The following FBLN1 variants were observed in gnomAD, a reference collection of about 807,000 sequenced individuals.
FBLN1 encodes the protein fibulin-1.
Under a neutral mutation model 89.7 loss-of-function variants are expected in FBLN1, and 34 were observed. That is an observed-to-expected ratio of 0.38 (90% CI 0.29 to 0.50). FBLN1 has a LOEUF of 0.50. Ranked by LOEUF, FBLN1 falls within the 20% of genes least tolerant of loss-of-function variation. The probability of loss-of-function intolerance (pLI) is 0.92; values close to 1 mark genes in which losing one functional copy is unlikely to be tolerated. For missense variants in FBLN1, 777 were observed against 988.1 expected, an observed-to-expected ratio of 0.79 and a Z score of 2.86; for synonymous variants, 393 against 391.3, an observed-to-expected ratio of 1.00 and a Z score of -0.05.
chr22:45,564,110 C>G (rs1412141103), intron 14 of FBLN1, among the ~76,000 whole-genome samples: 3 of 152,180 alleles, frequency 2.0e-5, no homozygotes, highest in African/African-American at 7.2e-5. Flanking sequence ...GATCACACAG[C>G]TGGTATCCGA....
intron 14 of FBLN1, among the ~76,000 whole-genome samples, chr22:45,568,116 G>T (rs1342264420): frequency 6.6e-6 from 1 of 152,216 alleles, no homozygotes; most frequent in Non-Finnish European, 1.5e-5. Context: ...GAAGGTCCGG[G>T]TAAATGTGGA....
rs2088397948 is a variant in FBLN1 at position 45,530,943 on chromosome 22, T to G, written c.485-322T>G. The stretch of plus-strand genomic sequence containing the variant: ...TACACCTGGCTAATTTTTGTATTTT[T>G]AGTAGAGACAGCATTTCACCGTGTT... On this transcript the variant is annotated intron_variant, in intron 4 of 16. Coordinates refer to ENST00000327858, the MANE Select transcript of FBLN1 (RefSeq NM_006486.3). The surrounding 1 kb of genome is among the most constrained non-coding windows in gnomAD (Gnocchi z 5.4). Among the ~76,000 whole-genome samples the G allele has an allele frequency of 6.6e-6, 1 of 152,118 alleles. No homozygotes were observed. Among genetic ancestry groups the G allele is most frequent in the Non-Finnish European group, 1.5e-5 (1 of 68,000 alleles).
At position 45,583,940 on chromosome 22, in the gene FBLN1, G is replaced by A. The variant is rs892236683; in HGVS notation, c.1972+6832G>A. Among the ~76,000 whole-genome samples the A allele has an allele frequency of 5.9e-5, 9 of 152,136 alleles. No individual in the cohort carries two copies. Among genetic ancestry groups the A allele is most frequent in the Non-Finnish European group, 1.3e-4 (9 of 68,024 alleles). Reference sequence around the variant, plus strand: ...AGGAGTTCCCTGAGGTCATGCGGTGGCGGATGGGGGTCACTTCTGCATAGG... The same window carrying A: ...AGGAGTTCCCTGAGGTCATGCGGTGACGGATGGGGGTCACTTCTGCATAGG... On this transcript the variant is annotated intron_variant, in intron 16 of 16. Transcript: ENST00000327858. The surrounding 1 kb of genome is among the most constrained non-coding windows in gnomAD (Gnocchi z 4.5).
Position 45,563,332 on chromosome 22 carries a change from A to T in FBLN1, c.1698-11179A>T. 2.5e-6 allele frequency: 4 copies of T among 1,608,576 alleles called. No homozygotes were observed. Among genetic ancestry groups the T allele is most frequent in the Non-Finnish European group, 3.4e-6 (4 of 1,179,306 alleles). ...CCTAACCCTGCCCTCCGGGGCGTTA[A>T]TAAAGTCTTAGCAAGCGTCCCACAC... On this transcript the variant is annotated intron_variant, in intron 14 of 16. Coordinates refer to ENST00000327858, the MANE Select transcript of FBLN1 (RefSeq NM_006486.3). The surrounding 1 kb of genome is among the most constrained non-coding windows in gnomAD (Gnocchi z 5.7).
At chr22:45,503,196 C>G in intron 1 of FBLN1, 132 bp downstream of exon 1, 3 of 358,526 alleles carry the variant, frequency 8.4e-6, no homozygotes, top group Non-Finnish European at 1.2e-5. Context: ...GGACTGTCAG[C>G]GCCGAGGCCT....
Position 45,561,854 on chromosome 22 carries a change from T to TG in FBLN1, c.1697+11240dup, listed in dbSNP as rs1418465762. On this transcript the variant is annotated intron_variant, in intron 14 of 16. Transcript: ENST00000327858. This position sits in a 1 kb window ranked among gnomAD's most constrained non-coding sequence, Gnocchi z 4.7. ...CAAAACTGAAGAACTTGGAGTCCGA[T>TG]GTTCAAGGGCAGGAAGCATCCAGCA... is the stretch of plus-strand genomic sequence containing the variant. 6.6e-6 allele frequency among the ~76,000 whole-genome samples: 1 copy of TG among 152,176 alleles called. No homozygotes were observed. The highest frequency in any genetic ancestry group is 1.5e-5 in the Non-Finnish European group (1 of 68,038).
intron 8 of FBLN1, among the ~76,000 whole-genome samples, chr22:45,538,475 G>C (rs2088511703): frequency 6.6e-6 from 1 of 152,172 alleles, no homozygotes; most frequent in South Asian, 2.1e-4. Context: ...ATGAAAATGG[G>C]ATCAGACTGT....
intron 16 of FBLN1, among the ~76,000 whole-genome samples, chr22:45,594,219 T>C (rs1293469615): frequency 2.0e-5 from 3 of 152,150 alleles, no homozygotes; most frequent in African/African-American, 7.2e-5. Context: ...CTTGCCTCCC[T>C]GTGTTAGAGA....
intron 8 of FBLN1, among the ~76,000 whole-genome samples, chr22:45,540,690 A>C (rs1401879485): frequency 6.6e-6 from 1 of 152,204 alleles, no homozygotes; most frequent in African/African-American, 2.4e-5. Flanking sequence ...ACACTTGCTC[A>C]TTGTATGTCA....
intron 16 of FBLN1, among the ~76,000 whole-genome samples, chr22:45,593,833 C>A (rs1329952685): frequency 6.6e-6 from 1 of 152,168 alleles, no homozygotes; most frequent in African/African-American, 2.4e-5. Flanking sequence ...CTTCTTCTGC[C>A]TTCATCTTAC....
rs747028577 is a variant in FBLN1 at position 45,563,284 on chromosome 22, C to T, written c.1698-11227C>T. On this transcript the variant is annotated intron_variant, in intron 14 of 16. Coordinates refer to ENST00000327858, the MANE Select transcript of FBLN1 (RefSeq NM_006486.3). This position sits in a 1 kb window ranked among gnomAD's most constrained non-coding sequence, Gnocchi z 5.7. ...AGCTCTGAGCACTCGCTTCGCGTCGCGGGGTCTCCCTCCTGTTGCTTTCCT... is the reference window on the plus strand; with the variant it reads ...AGCTCTGAGCACTCGCTTCGCGTCGTGGGGTCTCCCTCCTGTTGCTTTCCT... 4.0e-5 allele frequency: 64 copies of T among 1,613,216 alleles called. 1 individual carries two copies. The highest frequency in any genetic ancestry group is 3.1e-4 in the South Asian group (28 of 91,082).
At position 45,531,116 on chromosome 22, in the gene FBLN1, G is replaced by A. The variant is rs1333730897; in HGVS notation, c.485-149G>A. ...TTTTCAAGTGTAATTCTAGCTTAAA[G>A]AGGATAAAGTTAATACTTAGCTGTT... On this transcript the variant is annotated intron_variant, in intron 4 of 16. Coordinates refer to ENST00000327858, the MANE Select transcript of FBLN1 (RefSeq NM_006486.3). This position sits in a 1 kb window ranked among gnomAD's most constrained non-coding sequence, Gnocchi z 4.9. 1 of 706,442 alleles carries A rather than the reference G, an allele frequency of 1.4e-6. No homozygotes were observed. Among genetic ancestry groups the A allele is most frequent in the Non-Finnish European group, 2.6e-6 (1 of 388,552 alleles). The allele number at this position is 706,442 out of a possible 1,614,324, so 43.8% of individuals were successfully genotyped here.
At chr22:45,595,214 G>T (rs1410986520) in intron 16 of FBLN1, among the ~76,000 whole-genome samples, 1 of 152,142 alleles carries the variant, frequency 6.6e-6, no homozygotes, top group South Asian at 2.1e-4. Context: ...TGGGAAAGGG[G>T]GTCCTGGGTT....
intron 9 of FBLN1, 33 bp downstream of exon 9, chr22:45,541,405 T>C (rs770974704): frequency 3.7e-6 from 6 of 1,613,734 alleles, no homozygotes; most frequent in Non-Finnish European, 5.1e-6. Context: ...TGAAATCCAC[T>C]TTCCTGTCTG....
intron 8 of FBLN1, among the ~76,000 whole-genome samples, chr22:45,540,312 C>T (rs1440817787): frequency 2.0e-5 from 3 of 152,200 alleles, no homozygotes; most frequent in Admixed American, 6.5e-5. Context: ...CACTTGCAGG[C>T]TGGCTGTGGT....
At chr22:45,518,440 C>G (rs1285938853) in intron 1 of FBLN1, 1 of 578,912 alleles carries the variant, frequency 1.7e-6, no homozygotes, top group African/African-American at 1.8e-5. Flanking sequence ...GCAGCCCTGT[C>G]CAAGCTGGAT....
chr22:45,531,425 C>G lies in FBLN1; in HGVS notation c.544+101C>G. 1 of 1,006,302 alleles carries G rather than the reference C, an allele frequency of 9.9e-7. No individual in the cohort carries two copies. The highest frequency in any genetic ancestry group is 1.6e-6 in the Non-Finnish European group (1 of 636,002). The allele number at this position is 1,006,302 out of a possible 1,614,324, so 62.3% of individuals were successfully genotyped here. On this transcript the variant is annotated intron_variant, in intron 5 of 16. Coordinates refer to ENST00000327858, the MANE Select transcript of FBLN1 (RefSeq NM_006486.3). The surrounding 1 kb of genome is among the most constrained non-coding windows in gnomAD (Gnocchi z 4.9). ...ATCCTAGTACTTTGGGAAGCCAAGGCAGGAGGATTCCTTGAGCCCAGGAGG... is the reference window on the plus strand; with the variant it reads ...ATCCTAGTACTTTGGGAAGCCAAGGGAGGAGGATTCCTTGAGCCCAGGAGG...
intron 1 of FBLN1, among the ~76,000 whole-genome samples, chr22:45,516,296 G>A (rs574703521): frequency 6.6e-6 from 1 of 151,836 alleles, no homozygotes; most frequent in South Asian, 2.1e-4. Context: ...GGTGAAGGGG[G>A]TAGGGGGACA....
chr22:45,524,117 A>G (rs1044968903), intron 2 of FBLN1, among the ~76,000 whole-genome samples: 1 of 152,162 alleles, frequency 6.6e-6, no homozygotes, highest in African/African-American at 2.4e-5. Context: ...TTTGAGACAC[A>G]CGGGCAGCCG....
Sources: gnomAD v4.1 joint callset for allele counts (sites outside exome capture counted in the v4.1 genomes callset) on GRCh38, gnomAD v4.1.1 for gene constraint, Gnocchi (gnomAD v3.1) non-coding constraint, MANE v1.5 for transcripts, NCBI Gene and HGNC (gene_info 2026-07-23, HGNC 2026-07-21) for gene names.